Variants in CDC42BPB observed in about 807,000 individuals in gnomAD.
CDC42BPB encodes the protein CDC42 binding protein kinase beta.
In CDC42BPB, 37 loss-of-function variants were observed where a neutral mutation model predicts 214.9. That is an observed-to-expected ratio of 0.17 (90% confidence interval 0.13 to 0.23). The LOEUF (loss-of-function observed/expected upper bound fraction) is 0.23, where lower values mean the gene tolerates loss of function less well. Ranked by LOEUF, CDC42BPB falls within the 10% of genes least tolerant of loss-of-function variation. CDC42BPB has a pLI of 1.00. For missense variants in CDC42BPB, 1,694 were observed against 2,227.0 expected (o/e 0.76, Z 4.82); for synonymous variants, 931 against 884.0 (o/e 1.05, Z -0.94).
At chr14:102,933,942 G>T in intron 36 of CDC42BPB, 99 bp from the exon 37 acceptor site, 1 of 1,439,382 alleles carries the variant, frequency 6.9e-7, no homozygotes, top group Non-Finnish European at 9.0e-7. Flanking sequence ...GACAACTGTC[G>T]CAACTGCTCT....
At position 102,991,461 on chromosome 14, in the gene CDC42BPB, T is replaced by A. The variant is rs1022604966; in HGVS notation, c.597-4881A>T. ...AGAAGACATGACAATAAATGCAACATGTGATCCTGGACTGGATTCTGTACT... is the reference window on the plus strand; with the variant it reads ...AGAAGACATGACAATAAATGCAACAAGTGATCCTGGACTGGATTCTGTACT... On this transcript the variant is annotated intron_variant, in intron 5 of 36. Transcript: ENST00000361246. 1.2e-4 allele frequency among the ~76,000 whole-genome samples: 18 copies of A among 152,242 alleles called. 1 individual carries two copies. Among genetic ancestry groups the A allele is most frequent in the Non-Finnish European group, 2.6e-4 (18 of 68,034 alleles).
chr14:102,980,835 C>A lies in CDC42BPB; in HGVS notation c.1078G>T (p.Asp360Tyr). ...GATGTGTCAGAGGGACTGCTCACATCAGGAATATAAGGTGCTTCTAGGTTT... is the reference window on the plus strand; with the variant it reads ...GATGTGTCAGAGGGACTGCTCACATAAGGAATATAAGGTGCTTCTAGGTTT... Reference protein sequence around the residue: ...IRNLEAPYIPDVSSPSDTSNF... With the variant: ...IRNLEAPYIPYVSSPSDTSNF... The change falls in exon 8 of 37, where the codon GAT (aspartate) becomes TAT (tyrosine). Residue 360 changes from aspartate to tyrosine, a missense_variant. Asp to Tyr is a radical substitution (Grantham distance 160). Coordinates refer to ENST00000361246, the MANE Select transcript of CDC42BPB (RefSeq NM_006035.4). 6.2e-7 allele frequency: 1 copy of A among 1,614,224 alleles called. No individual in the cohort carries two copies. Among genetic ancestry groups the A allele is most frequent in the South Asian group, 1.1e-5 (1 of 91,086 alleles).
rs1370057374 is a variant in CDC42BPB at position 102,953,324 on chromosome 14, G to A, written c.3067-721C>T. The stretch of plus-strand genomic sequence containing the variant: ...GAGGTGGGCAGGGAGGCCGTGGGGC[G>A]GTGGCCGGGCCATCAGGACTAGGAG... On this transcript the variant is annotated intron_variant, in intron 23 of 36. Transcript: ENST00000361246. 3.9e-5 allele frequency among the ~76,000 whole-genome samples: 6 copies of A among 152,252 alleles called. No homozygotes were observed. The South Asian group carries it at 8.3e-4, about 21-fold the overall frequency.
At chr14:102,989,560 A>G (rs1894397472) in intron 5 of CDC42BPB, among the ~76,000 whole-genome samples, 1 of 152,254 alleles carries the variant, frequency 6.6e-6, no homozygotes, top group South Asian at 2.1e-4. Flanking sequence ...AGTTCGCAGT[A>G]TTATGCAAAC....
At chr14:103,014,683 G>A (rs1199638497) in intron 1 of CDC42BPB, among the ~76,000 whole-genome samples, 2 of 152,070 alleles carry the variant, frequency 1.3e-5, no homozygotes, top group Non-Finnish European at 2.9e-5. Flanking sequence ...AGGTTCCAGG[G>A]GCCTGGGAGA....
intron 2 of CDC42BPB, among the ~76,000 whole-genome samples, chr14:103,010,789 T>C (rs1886112696): frequency 6.6e-6 from 1 of 152,184 alleles, no homozygotes; most frequent in African/African-American, 2.4e-5. Flanking sequence ...CCCAGCACTT[T>C]GGGAGGCTGA....
intron 27 of CDC42BPB, chr14:102,946,887 C>T (rs914597738): frequency 2.0e-5 from 20 of 985,190 alleles, no homozygotes; most frequent in Non-Finnish European, 2.3e-5. Context: ...TTCTAAACAG[C>T]CCCGTGAGAT....
chr14:103,036,806 G>A (rs1306840564), intron 1 of CDC42BPB, among the ~76,000 whole-genome samples: 1 of 152,044 alleles, frequency 6.6e-6, no homozygotes, highest in Non-Finnish European at 1.5e-5. Flanking sequence ...CTCATTAAAA[G>A]TCGTGACTTT....
intron 4 of CDC42BPB, among the ~76,000 whole-genome samples, chr14:103,002,107 G>A (rs1302991264): frequency 6.6e-6 from 1 of 152,144 alleles, no homozygotes; most frequent in African/African-American, 2.4e-5. Flanking sequence ...CCGCTCTGTG[G>A]GTGGTCAGAG....
chr14:102,951,251 G>A (rs991396131), intron 24 of CDC42BPB, among the ~76,000 whole-genome samples: 11 of 152,316 alleles, frequency 7.2e-5, no homozygotes, highest in African/African-American at 2.6e-4. Flanking sequence ...CAATCAAAAT[G>A]TGCATGAGTT....
chr14:102,940,510 AAC>A, intron 30 of CDC42BPB, 186 bp from the exon 31 acceptor site: 1 of 1,417,526 alleles, frequency 7.1e-7, no homozygotes, highest in Admixed American at 2.7e-5. Context: ...AGTTTAAACA[AAC>A]ACAATCCAAT....
intron 27 of CDC42BPB, among the ~76,000 whole-genome samples, chr14:102,947,095 A>G (rs1892215682): frequency 6.6e-6 from 1 of 152,216 alleles, no homozygotes; most frequent in Admixed American, 6.5e-5. Flanking sequence ...CCAAATGACC[A>G]TCGTTCCAGT....
intron 9 of CDC42BPB, among the ~76,000 whole-genome samples, chr14:102,977,765 C>T (rs1176928754): frequency 1.3e-5 from 2 of 152,026 alleles, no homozygotes; most frequent in Non-Finnish European, 2.9e-5. Flanking sequence ...AGAAATCTCA[C>T]CCCCCTGGCC....
At chr14:103,035,300 G>A (rs965070723) in intron 1 of CDC42BPB, among the ~76,000 whole-genome samples, 9 of 152,034 alleles carry the variant, frequency 5.9e-5, no homozygotes, top group South Asian at 2.1e-4. Context: ...CAGGTGATCC[G>A]CCTGCCTCGG....
At chr14:102,987,296 T>C (rs928050865) in intron 5 of CDC42BPB, among the ~76,000 whole-genome samples, 22 of 152,260 alleles carry the variant, frequency 1.4e-4, no homozygotes, top group African/African-American at 5.1e-4. Flanking sequence ...AACTACTTTC[T>C]GTGCGCTCTC....
rs905641302 is a variant in CDC42BPB at position 103,041,555 on chromosome 14, C to A, written c.175+15444G>T. On this transcript the variant is annotated intron_variant, in intron 1 of 36. Coordinates refer to ENST00000361246, the MANE Select transcript of CDC42BPB (RefSeq NM_006035.4). ...GGCCACATGGTTCAACCAGCCGGCCCGAAGATCCGCAGATGCAAGGCCGGG... is the reference window on the plus strand; with the variant it reads ...GGCCACATGGTTCAACCAGCCGGCCAGAAGATCCGCAGATGCAAGGCCGGG... 16 of 1,311,522 alleles carry A rather than the reference C, an allele frequency of 1.2e-5. No individual in the cohort carries two copies. In the Admixed American group the frequency reaches 2.9e-4, roughly 24 times the overall value. 81.2% of individuals were successfully genotyped at this position (1,311,522 alleles called of 1,614,324 possible). A position where few individuals can be genotyped will look rare whatever the true frequency, so the allele number is the denominator to read the frequency against.
rs1195054693 is a variant in CDC42BPB, at chr14:103,034,617, G to A, written c.175+22382C>T. ...TCACATCACCTGAGGTTGGGAGTTC[G>A]AGACCAACCTGGCCAACATGGGGAA... is the stretch of plus-strand genomic sequence containing the variant. On this transcript the variant is annotated intron_variant, in intron 1 of 36. Coordinates refer to ENST00000361246, the MANE Select transcript of CDC42BPB (RefSeq NM_006035.4). Among the ~76,000 whole-genome samples the A allele has an allele frequency of 3.3e-5, 5 of 152,020 alleles. No homozygotes were observed. The South Asian group carries it at 6.2e-4, about 19-fold the overall frequency.
rs1319845804 is a variant in CDC42BPB at position 103,001,104 on chromosome 14, A to G, written c.448-1391T>C. Reference sequence around the variant, plus strand: ...TACCAGCAAACTCTCATCCCTTCCAAGCCTCTCCACAGCTGTCCCACCCTG... The same window carrying G: ...TACCAGCAAACTCTCATCCCTTCCAGGCCTCTCCACAGCTGTCCCACCCTG... On this transcript the variant is annotated intron_variant, in intron 4 of 36. Coordinates refer to ENST00000361246, the MANE Select transcript of CDC42BPB (RefSeq NM_006035.4). The surrounding 1 kb of genome is among the most constrained non-coding windows in gnomAD (Gnocchi z 5.8). 2.0e-5 allele frequency among the ~76,000 whole-genome samples: 3 copies of G among 152,122 alleles called. No homozygotes were observed. Among genetic ancestry groups the G allele is most frequent in the African/African-American group, 7.2e-5 (3 of 41,428 alleles).
chr14:103,042,821 T>A (rs1473338568), intron 1 of CDC42BPB, among the ~76,000 whole-genome samples: 1 of 152,158 alleles, frequency 6.6e-6, no homozygotes, highest in Admixed American at 6.5e-5. Context: ...GGAACCCTTG[T>A]GGGCTGCTGG....
Sources: allele counts gnomAD v4.1 joint callset (sites outside exome capture counted in the v4.1 genomes callset), GRCh38; gene constraint gnomAD v4.1.1; non-coding constraint Gnocchi (gnomAD v3.1); transcripts MANE v1.5; gene names NCBI Gene and HGNC (gene_info 2026-07-23, HGNC 2026-07-21).